The following ARRDC5 variants were observed in gnomAD, a reference collection of about 807,000 sequenced individuals.
ARRDC5 encodes arrestin domain containing 5.
A neutral mutation model predicts 13.3 loss-of-function variants in ARRDC5; 12 were observed. The ratio of observed to expected loss-of-function variants is 0.90; its 90% CI spans 0.58 to 1.46. ARRDC5 has a LOEUF of 1.46. Ranked by LOEUF, ARRDC5 falls within the 40% of genes most tolerant of loss-of-function variation. ARRDC5 has a pLI of 0.00. For synonymous variants in ARRDC5, 181 were observed against 173.4 expected, an observed-to-expected ratio of 1.04 and a Z score of -0.34; for missense variants, 406 against 418.7, an observed-to-expected ratio of 0.97 and a Z score of 0.26.
intron 1 of ARRDC5, among the ~76,000 whole-genome samples, chr19:4,901,414 G>A (rs1023197373): frequency 6.6e-6 from 1 of 152,002 alleles, no homozygotes; most frequent in Non-Finnish European, 1.5e-5. Context: ...AGGAGTTCGA[G>A]ACCAGCCTGG....
At chr19:4,892,850 G>T (rs142472413) in intron 2 of ARRDC5, among the ~76,000 whole-genome samples, 1 of 151,396 alleles carries the variant, frequency 6.6e-6, no homozygotes, top group Non-Finnish European at 1.5e-5. Context: ...ATGGCCAGGC[G>T]CTCCCAGCAT....
At chr19:4,909,771 C>G in the ARRDC5 span, 1 of 467,628 alleles carries the variant, frequency 2.1e-6, no homozygotes, top group Non-Finnish European at 3.8e-6. Context: ...GCACTCTGTC[C>G]CGGGATCCAG....
intron 1 of ARRDC5, among the ~76,000 whole-genome samples, chr19:4,898,695 C>T (rs1168211426): frequency 1.5e-5 from 2 of 135,498 alleles, no homozygotes; most frequent in Non-Finnish European, 3.2e-5. Flanking sequence ...CAGGGTCTCA[C>T]TTTGTCACTC....
At chr19:4,914,656 CTT>C in the ARRDC5 span, among the ~76,000 whole-genome samples, 46 of 139,024 alleles carry the variant, frequency 3.3e-4, no homozygotes, top group Admixed American at 4.4e-4. Context: ...ACCCCTCAAT[CTT>C]TTTTTTTTTT....
chr19:4,906,885 T>C (rs1467032250), upstream of ARRDC5, among the ~76,000 whole-genome samples: 1 of 152,236 alleles, frequency 6.6e-6, no homozygotes, highest in Non-Finnish European at 1.5e-5. Context: ...GGTGCTGTCA[T>C]TTTGGAAGAG....
At chr19:4,901,331 A>AT (rs2031905524) in intron 1 of ARRDC5, among the ~76,000 whole-genome samples, 2 of 151,948 alleles carry the variant, frequency 1.3e-5, no homozygotes, top group Non-Finnish European at 2.9e-5. Context: ...AAATAAATAC[A>AT]TAAGCCAGGC....
the ARRDC5 span, among the ~76,000 whole-genome samples, chr19:4,908,001 C>A: frequency 6.6e-6 from 1 of 152,106 alleles, no homozygotes; most frequent in East Asian, 1.9e-4. Flanking sequence ...TGTGAGCCAA[C>A]GCGCCCGGCC....
chr19:4,910,524 C>G, the ARRDC5 span: 2,436 of 203,300 alleles, frequency 0.012, 167 homozygotes, highest in Admixed American at 0.13. Context: ...ATGAATGAAT[C>G]AATGAATGAA....
intron 2 of ARRDC5, among the ~76,000 whole-genome samples, chr19:4,894,456 A>T: frequency 7.5e-6 from 1 of 132,800 alleles, no homozygotes; most frequent in African/African-American, 2.8e-5. Flanking sequence ...GCTTGCAGTG[A>T]GCCGAGATCC....
the ARRDC5 span, chr19:4,909,672 G>A: frequency 1.9e-6 from 1 of 523,292 alleles, no homozygotes; most frequent in Non-Finnish European, 3.3e-6. Context: ...GGGCGGGCCG[G>A]GTCGGGGTGC....
upstream of ARRDC5, among the ~76,000 whole-genome samples, chr19:4,904,038 G>A (rs140030727): frequency 4.2e-3 from 641 of 151,952 alleles, 3 homozygotes; most frequent in South Asian, 0.03. Context: ...GTGCAGTGGC[G>A]TGATCTCGGC....
At chr19:4,908,250 A>G in the ARRDC5 span, among the ~76,000 whole-genome samples, 2 of 152,248 alleles carry the variant, frequency 1.3e-5, no homozygotes, top group South Asian at 4.1e-4. Flanking sequence ...GGGGGTCTAG[A>G]GACGCATATC....
At chr19:4,899,658 G>A (rs1293511328) in intron 1 of ARRDC5, among the ~76,000 whole-genome samples, 2 of 150,628 alleles carry the variant, frequency 1.3e-5, no homozygotes, top group Non-Finnish European at 3.0e-5. Flanking sequence ...GGCCGGGCGC[G>A]GTGGCTCACG....
Position 4,897,794 on chromosome 19 carries a change from A to G in ARRDC5, c.254-918T>C, listed in dbSNP as rs1409473375. Among the ~76,000 whole-genome samples, 3 of 152,368 alleles carry G rather than the reference A, an allele frequency of 2.0e-5. No homozygotes were observed. The South Asian group carries it at 6.2e-4, about 32-fold the overall frequency. On this transcript the variant is annotated intron_variant, in intron 1 of 2. Transcript: ENST00000650722. Reference sequence around the variant, plus strand: ...ACTCTCCCAAAAGTGCTGGGATAATAGGCACAAACTGGCTGGGCCCAGTGG... The same window carrying G: ...ACTCTCCCAAAAGTGCTGGGATAATGGGCACAAACTGGCTGGGCCCAGTGG...
upstream of ARRDC5, among the ~76,000 whole-genome samples, chr19:4,905,931 C>T (rs527727220): frequency 9.2e-5 from 14 of 152,268 alleles, no homozygotes; most frequent in African/African-American, 1.7e-4. Flanking sequence ...TTTTCTGAGA[C>T]GCCTGGAATA....
At chr19:4,901,647 T>C (rs983175961) in intron 1 of ARRDC5, among the ~76,000 whole-genome samples, 2 of 151,964 alleles carry the variant, frequency 1.3e-5, no homozygotes, top group Non-Finnish European at 2.9e-5. Flanking sequence ...AAGATACAAA[T>C]AAATAAATAC....
chr19:4,912,687 T>C, the ARRDC5 span, among the ~76,000 whole-genome samples: 2 of 152,190 alleles, frequency 1.3e-5, no homozygotes, highest in African/African-American at 4.8e-5. Flanking sequence ...CAGTCCACCT[T>C]TCCCTTATTA....
chr19:4,903,929 A>G (rs1259948548), upstream of ARRDC5, among the ~76,000 whole-genome samples: 1 of 152,156 alleles, frequency 6.6e-6, no homozygotes, highest in African/African-American at 2.4e-5. Context: ...GTGTGTGCTT[A>G]ATCTGAACAT....
At chr19:4,911,198 C>G in the ARRDC5 span, among the ~76,000 whole-genome samples, 4 of 151,928 alleles carry the variant, frequency 2.6e-5, no homozygotes, top group African/African-American at 9.7e-5. Flanking sequence ...ACCTCAAATG[C>G]CTGCGAGAGG....
Sources: allele counts gnomAD v4.1 joint callset (sites outside exome capture counted in the v4.1 genomes callset), GRCh38; gene constraint gnomAD v4.1.1; transcripts MANE v1.5; gene names NCBI Gene and HGNC (gene_info 2026-07-23, HGNC 2026-07-21).